XPO4: variants seen among roughly 807,000 people sequenced by gnomAD.
XPO4 encodes exportin-4.
XPO4 carries 39 observed loss-of-function variants against 143.0 expected under a neutral mutation model. The observed-to-expected ratio is 0.27, with a 90% CI of 0.21 to 0.36. The LOEUF is 0.36. Ranked by LOEUF, XPO4 falls within the 10% of genes least tolerant of loss-of-function variation. The pLI, the probability that XPO4 is intolerant of heterozygous loss-of-function variation, is 1.00. For missense variants in XPO4, 907 were observed against 1,348.0 expected, an observed-to-expected ratio of 0.67 and a Z score of 5.12; for synonymous variants, 439 against 474.0, an observed-to-expected ratio of 0.93 and a Z score of 0.96.
chr13:20,895,094 C>A (rs961273969), intron 1 of XPO4, among the ~76,000 whole-genome samples: 2 of 152,030 alleles, frequency 1.3e-5, no homozygotes, highest in Non-Finnish European at 2.9e-5. Context: ...AGGATAATTG[C>A]TTGAACCCGG....
At chr13:20,820,037 TA>T (rs2059699760) in intron 9 of XPO4, among the ~76,000 whole-genome samples, 1 of 152,230 alleles carries the variant, frequency 6.6e-6, no homozygotes, top group Non-Finnish European at 1.5e-5. Flanking sequence ...TCCTTTTCAA[TA>T]GGTGACCAAT....
rs1234747967 is a variant in XPO4, at chr13:20,800,211, C to T, written c.2092G>A (p.Asp698Asn). The change falls in exon 15 of 23, where the codon GAC becomes AAC. Residue 698 changes from aspartate (D) to asparagine (N), a missense_variant. Asp to Asn is a conservative substitution (Grantham distance 23). Transcript: ENST00000255305. ...SNLSVWSSEQ[D>N]LANDTVQLLV... ...AGCTGCACAGTGTCATTTGCAAGGT[C>T]CTGCTCACTACTCCAGACTGAGAGG... 1 of 1,614,116 alleles carries T rather than the reference C, an allele frequency of 6.2e-7. No homozygotes were observed. Among genetic ancestry groups the T allele is most frequent in the Non-Finnish European group, 8.5e-7 (1 of 1,180,012 alleles).
In XPO4 at chr13:20,835,800, C is replaced by T. The variant is rs183328721; in HGVS notation, c.727+7095G>A. Among the ~76,000 whole-genome samples the T allele has an allele frequency of 2.0e-5, 3 of 152,252 alleles. No individual in the cohort carries two copies. The East Asian group carries it at 5.8e-4, about 29-fold the overall frequency. On this transcript the variant is annotated intron_variant, in intron 6 of 22. Transcript: ENST00000255305. ...TTTCCTTACCTCCCCTTCACCTCCT[C>T]CACTTCTGTCTCTACTATCACTGAG...
chr13:20,807,615 A>C lies in XPO4; in HGVS notation c.1659T>G (p.Asp553Glu). 6.2e-7 allele frequency: 1 copy of C among 1,602,412 alleles called. No homozygotes were observed. The highest frequency in any genetic ancestry group is 1.1e-5 in the South Asian group (1 of 87,752). Residue 553 changes from aspartate (D) to glutamate (E), a missense_variant, in exon 13 of 23, where the codon GAT becomes GAG. By Grantham distance (45) the Asp-to-Glu change is conservative (BLOSUM62 2). Transcript: ENST00000255305. ...ILVTGYLLAD[D>E]TQGETPLIPP... ...GTATTAGCGGAGTCTCTCCCTGAGT[A>C]TCATCAGCTAAGAGGTAGCCTTCAG...
intron 6 of XPO4, among the ~76,000 whole-genome samples, chr13:20,838,064 C>A (rs188171478): frequency 6.6e-6 from 1 of 152,228 alleles, no homozygotes; most frequent in Admixed American, 6.5e-5. Context: ...AAAGCGTGAG[C>A]CACTGCGCCC....
At position 20,807,542 on chromosome 13, in the gene XPO4, T is replaced by C; in HGVS notation, c.1732A>G (p.Ile578Val). The change falls in exon 13 of 23, where the codon ATT (isoleucine) becomes GTT (valine). Residue 578 changes from isoleucine to valine, a missense_variant. Ile to Val is a conservative substitution (Grantham distance 29). Transcript: ENST00000255305. ...CCCAAAATTTGAAGTGTTGTATTAA[T>C]GTCAACTTCAGATGAATGCTTAATG... is the stretch of plus-strand genomic sequence containing the variant. ...YSIKHSSEVD[I>V]NTTLQILGSP... 1 of 1,613,750 alleles carries C rather than the reference T, an allele frequency of 6.2e-7. No individual in the cohort carries two copies. The highest frequency in any genetic ancestry group is 8.5e-7 in the Non-Finnish European group (1 of 1,179,830).
rs1282440586 is a variant in XPO4 at position 20,803,375 on chromosome 13, G to T, written c.1818-2385C>A. ...AATCCACATGTTCAGAGGTAGAAGT[G>T]AAAACTTTGGCCTTTCTTTTGTAAA... On this transcript the variant is annotated intron_variant, in intron 13 of 22. Coordinates refer to ENST00000255305, the MANE Select transcript of XPO4 (RefSeq NM_022459.5). The surrounding 1 kb of genome is among the most constrained non-coding windows in gnomAD (Gnocchi z 4.1). Among the ~76,000 whole-genome samples the T allele has an allele frequency of 6.6e-6, 1 of 152,170 alleles. No homozygotes were observed. Among genetic ancestry groups the T allele is most frequent in the African/African-American group, 2.4e-5 (1 of 41,442 alleles).
In XPO4 at chr13:20,857,563, T is replaced by TA. The variant is rs562557674; in HGVS notation, c.318-1799dup. ...TAACACGGTGAAACCCCGTCTCTAC[T>TA]AAAAAAAAAAAAAATTAGCCAGGCG... On this transcript the variant is annotated intron_variant, in intron 3 of 22. Coordinates refer to ENST00000255305, the MANE Select transcript of XPO4 (RefSeq NM_022459.5). 5.0e-3 allele frequency among the ~76,000 whole-genome samples: 705 copies of TA among 141,246 alleles called. 5 individuals carry two copies. Among genetic ancestry groups the TA allele is most frequent in the East Asian group, 0.045 (219 of 4,892 alleles). 92.7% of individuals were successfully genotyped at this position (141,246 alleles called of 152,430 possible). A position where few individuals can be genotyped will look rare whatever the true frequency, so the allele number is the denominator to read the frequency against.
chr13:20,799,032 A>G, intron 16 of XPO4, 133 bp downstream of exon 16: 3 of 993,858 alleles, frequency 3.0e-6, no homozygotes, highest in Non-Finnish European at 4.2e-6. Flanking sequence ...GAAAAAAAAA[A>G]AAAAGAAAGA....
At chr13:20,798,045 G>GA (rs2059381677) in intron 16 of XPO4, among the ~76,000 whole-genome samples, 1 of 152,140 alleles carries the variant, frequency 6.6e-6, no homozygotes, top group Non-Finnish European at 1.5e-5. Flanking sequence ...TTAGGAGGCT[G>GA]AGACAGGAGA....
chr13:20,833,561 T>C (rs548103511), intron 6 of XPO4, among the ~76,000 whole-genome samples: 16 of 152,350 alleles, frequency 1.1e-4, no homozygotes, highest in South Asian at 4.1e-4. Flanking sequence ...AATTGTTGTA[T>C]TGTTATTTTT....
intron 13 of XPO4, among the ~76,000 whole-genome samples, chr13:20,802,734 A>G (rs969890235): frequency 2.0e-5 from 3 of 152,130 alleles, no homozygotes; most frequent in African/African-American, 7.2e-5. Context: ...ATGTTCCAGT[A>G]TTTTGTTCAT....
intron 19 of XPO4, among the ~76,000 whole-genome samples, chr13:20,789,953 C>G (rs2059258169): frequency 6.6e-6 from 1 of 152,074 alleles, no homozygotes; most frequent in Non-Finnish European, 1.5e-5. Flanking sequence ...CTGACAAAAC[C>G]AAGGCATAAT....
At position 20,820,022 on chromosome 13, in the gene XPO4, C is replaced by T. The variant is rs2059699402; in HGVS notation, c.1173+1682G>A. Among the ~76,000 whole-genome samples, 3 of 152,144 alleles carry T rather than the reference C, an allele frequency of 2.0e-5. No individual in the cohort carries two copies. The South Asian group carries it at 6.2e-4, about 32-fold the overall frequency. On this transcript the variant is annotated intron_variant, in intron 9 of 22. Transcript: ENST00000255305. ...GCAAAACTTTAAACAGATCTTTTCC[C>T]TCTGTCCTTTTCAATAGGTGACCAA...
At chr13:20,821,984 G>T in intron 8 of XPO4, 106 bp from the exon 9 acceptor site, 2 of 1,364,746 alleles carry the variant, frequency 1.5e-6, no homozygotes, top group African/African-American at 2.9e-5. Context: ...ATTTTAAAAG[G>T]TATGTCTCTG....
At chr13:20,824,993 T>A (rs924307444) in intron 7 of XPO4, among the ~76,000 whole-genome samples, 3 of 152,150 alleles carry the variant, frequency 2.0e-5, no homozygotes, top group African/African-American at 7.2e-5. Context: ...CCTGAAGTCC[T>A]ACGTGTCAAA....
At chr13:20,883,916 C>T (rs1009840691) in intron 1 of XPO4, among the ~76,000 whole-genome samples, 102 of 152,154 alleles carry the variant, frequency 6.7e-4, no homozygotes, top group African/African-American at 2.1e-3. Flanking sequence ...TACAGGCATG[C>T]GCCACCACAC....
Position 20,799,241 on chromosome 13 carries a change from C to T in XPO4, c.2246G>A (p.Arg749Lys). The change falls in exon 16 of 23, where the codon AGG (arginine) becomes AAG (lysine). Residue 749 changes from arginine (R) to lysine (K), a missense_variant. Physicochemically the swap from Arg to Lys is conservative, Grantham distance 26 (BLOSUM62 2). Coordinates refer to ENST00000255305, the MANE Select transcript of XPO4 (RefSeq NM_022459.5). ...PLNFLSSPVQ[R>K]TLMKALVLGG... ...TAAGACTAGAGCCTTCATCAATGTC[C>T]TCTGCACAGGACTTGACAAGAAATT... 3 of 1,613,876 alleles carry T rather than the reference C, an allele frequency of 1.9e-6. No homozygotes were observed. Among genetic ancestry groups the T allele is most frequent in the Non-Finnish European group, 2.5e-6 (3 of 1,179,840 alleles).
intron 9 of XPO4, among the ~76,000 whole-genome samples, chr13:20,811,105 CAG>C (rs749835874): frequency 1.2e-4 from 18 of 152,004 alleles, no homozygotes; most frequent in Non-Finnish European, 2.6e-4. Context: ...ATTTATATCG[CAG>C]AGAGAGCCGG....
Sources: gnomAD v4.1 joint callset for allele counts (sites outside exome capture counted in the v4.1 genomes callset) on GRCh38, gnomAD v4.1.1 for gene constraint, Gnocchi (gnomAD v3.1) non-coding constraint, MANE v1.5 for transcripts, NCBI Gene and HGNC (gene_info 2026-07-23, HGNC 2026-07-21) for gene names.